CACNA1C: variants seen among roughly 807,000 people sequenced by gnomAD.
CACNA1C encodes calcium voltage-gated channel subunit alpha1 C, also known as voltage-dependent L-type calcium channel subunit alpha-1C.
CACNA1C carries 30 observed loss-of-function variants against 229.0 expected under a neutral mutation model. That is an observed-to-expected ratio of 0.13 (90% CI 0.10 to 0.18). CACNA1C has a LOEUF of 0.18. CACNA1C is among the 10% of genes least tolerant of loss of function. The pLI is 1.00. For missense variants in CACNA1C, 1,658 were observed against 2,845.0 expected (o/e 0.58, Z 9.49); for synonymous variants, 1,114 against 1,132.5 (o/e 0.98, Z 0.33).
chr12:2,596,881 T>C (rs215982), intron 20 of CACNA1C, among the ~76,000 whole-genome samples: 144,399 of 152,236 alleles, frequency 0.95, 68,663 homozygotes, highest in East Asian at 1. Flanking sequence ...ACAAGTATCT[T>C]AGTGGTCTGA....
intron 3 of CACNA1C, among the ~76,000 whole-genome samples, chr12:2,257,450 G>T (rs2078402409): frequency 6.6e-6 from 1 of 152,156 alleles, no homozygotes; most frequent in Non-Finnish European, 1.5e-5. Flanking sequence ...AGATCATCAG[G>T]CATTAGATTC....
chr12:2,423,366 G>A (rs1366566132), intron 3 of CACNA1C, among the ~76,000 whole-genome samples: 1 of 152,160 alleles, frequency 6.6e-6, no homozygotes, highest in South Asian at 2.1e-4. Flanking sequence ...GGGACTCTGG[G>A]CTCAAACTGC....
chr12:2,023,448 T>C (rs1009217264), intron 1 of CACNA1C, among the ~76,000 whole-genome samples: 4 of 152,174 alleles, frequency 2.6e-5, no homozygotes, highest in African/African-American at 9.7e-5. Flanking sequence ...AATTTATGGG[T>C]ACATTTTAGT....
chr12:2,526,736 T>TA (rs1292862577), intron 9 of CACNA1C, among the ~76,000 whole-genome samples: 2 of 152,328 alleles, frequency 1.3e-5, no homozygotes, highest in Non-Finnish European at 2.9e-5. Flanking sequence ...ACTGGAGTGA[T>TA]AGAGTAGCAT....
chr12:2,077,781 A>G (rs941262941), intron 1 of CACNA1C, among the ~76,000 whole-genome samples: 6 of 152,172 alleles, frequency 3.9e-5, no homozygotes, highest in Non-Finnish European at 8.8e-5. Flanking sequence ...AACTCTGTTT[A>G]CTGCTTTGGA....
chr12:2,226,396 A>C (rs2063036058), intron 3 of CACNA1C, among the ~76,000 whole-genome samples: 1 of 152,180 alleles, frequency 6.6e-6, no homozygotes, highest in Admixed American at 6.5e-5. Context: ...TCACACAACC[A>C]GTGTGAATCT....
intron 29 of CACNA1C, among the ~76,000 whole-genome samples, chr12:2,627,359 G>A (rs536522792): frequency 3.9e-5 from 6 of 152,116 alleles, no homozygotes; most frequent in Admixed American, 2.0e-4. Flanking sequence ...GCTTGGTGTC[G>A]GTTACCATTG....
intron 3 of CACNA1C, among the ~76,000 whole-genome samples, chr12:2,380,664 C>A (rs1041142509): frequency 1.3e-5 from 2 of 152,190 alleles, no homozygotes; most frequent in African/African-American, 4.8e-5. Context: ...AAAGGTTGTT[C>A]TTGGCTTAAG....
At chr12:2,494,383 G>T (rs2099742553) in intron 7 of CACNA1C, among the ~76,000 whole-genome samples, 1 of 152,220 alleles carries the variant, frequency 6.6e-6, no homozygotes, top group Non-Finnish European at 1.5e-5. Flanking sequence ...ATTCTTCATA[G>T]TGTCTCCAAC....
chr12:2,200,444 G>A (rs1037334527), intron 3 of CACNA1C, among the ~76,000 whole-genome samples: 3 of 152,124 alleles, frequency 2.0e-5, no homozygotes, highest in East Asian at 1.9e-4. Context: ...GGCATCTAGC[G>A]GATAGAGGCC....
intron 6 of CACNA1C, among the ~76,000 whole-genome samples, chr12:2,492,050 G>A (rs999086817): frequency 2.6e-5 from 4 of 151,724 alleles, no homozygotes; most frequent in African/African-American, 7.3e-5. Flanking sequence ...TGGAACTGGG[G>A]TCTCTTCTGT....
At chr12:2,014,156 G>A (rs2044914384) in intron 1 of CACNA1C, among the ~76,000 whole-genome samples, 1 of 152,120 alleles carries the variant, frequency 6.6e-6, no homozygotes, top group Non-Finnish European at 1.5e-5. Flanking sequence ...TGGGCCTTCA[G>A]TATTAGTGTA....
At chr12:2,401,495 G>A (rs1854123128) in intron 3 of CACNA1C, among the ~76,000 whole-genome samples, 1 of 152,206 alleles carries the variant, frequency 6.6e-6, no homozygotes, top group African/African-American at 2.4e-5. Flanking sequence ...AACAGATGGG[G>A]AAACTTAGTC....
rs537768226 is a variant in CACNA1C at position 2,636,255 on chromosome 12, C to A, written c.3912+1875C>A. Among the ~76,000 whole-genome samples, 3 of 152,336 alleles carry A rather than the reference C, an allele frequency of 2.0e-5. No individual in the cohort carries two copies. In the East Asian group the frequency reaches 5.8e-4, roughly 29 times the overall value. ...CGCAGAAAGGTGACCGCAAGCTGCC[C>A]CCCTGTACAGTGGCCCACTGCAGCT... On this transcript the variant is annotated intron_variant, in intron 30 of 46. Coordinates refer to ENST00000399655, the MANE Select transcript of CACNA1C (RefSeq NM_000719.7).
intron 3 of CACNA1C, among the ~76,000 whole-genome samples, chr12:2,225,200 T>C (rs575583335): frequency 1.3e-5 from 2 of 152,174 alleles, no homozygotes; most frequent in South Asian, 4.2e-4. Context: ...TGTCAGCTGC[T>C]GCATCATTAA....
At chr12:2,250,892 C>T (rs1007619987) in intron 3 of CACNA1C, among the ~76,000 whole-genome samples, 1 of 152,228 alleles carries the variant, frequency 6.6e-6, no homozygotes, top group African/African-American at 2.4e-5. Flanking sequence ...TCTCCCTAAC[C>T]AGCCCAGGCT....
chr12:2,527,276 C>T (rs750270597), intron 9 of CACNA1C, among the ~76,000 whole-genome samples: 66 of 152,124 alleles, frequency 4.3e-4, no homozygotes, highest in African/African-American at 1.3e-3. Flanking sequence ...GAAGACAAAC[C>T]GCAGGCCAGC....
intron 3 of CACNA1C, among the ~76,000 whole-genome samples, chr12:2,249,041 C>G (rs1200600493): frequency 6.6e-6 from 1 of 152,160 alleles, no homozygotes; most frequent in African/African-American, 2.4e-5. Context: ...TAGTGGTTGT[C>G]ACGTTTCATT....
At chr12:2,184,658 A>T (rs112079776) in intron 3 of CACNA1C, among the ~76,000 whole-genome samples, 4,780 of 152,256 alleles carry the variant, frequency 0.031, 247 homozygotes, top group African/African-American at 0.11. Flanking sequence ...CTTGCTTGTC[A>T]ACCATGTTCT....
Sources: allele counts gnomAD v4.1 joint callset (sites outside exome capture counted in the v4.1 genomes callset), GRCh38; gene constraint gnomAD v4.1.1; transcripts MANE v1.5; gene names NCBI Gene and HGNC (gene_info 2026-07-23, HGNC 2026-07-21).